The following KIFAP3 variants were observed in gnomAD, a reference collection of about 807,000 sequenced individuals.
KIFAP3 encodes the protein kinesin-associated protein 3.
In KIFAP3, 68 loss-of-function variants were observed where a neutral mutation model predicts 106.5. The ratio of observed to expected loss-of-function variants is 0.64; its 90% CI spans 0.53 to 0.78. The LOEUF (loss-of-function observed/expected upper bound fraction) is 0.78. KIFAP3 is among the 30% of genes least tolerant of loss of function. The pLI, the probability that KIFAP3 is intolerant of heterozygous loss-of-function variation, is 0.00. For synonymous variants in KIFAP3, 320 were observed against 311.5 expected (o/e 1.03, Z -0.29); for missense variants, 780 against 941.8 (o/e 0.83, Z 2.25).
chr1:169,963,405 C>A (rs1665437494), intron 17 of KIFAP3, among the ~76,000 whole-genome samples: 1 of 152,146 alleles, frequency 6.6e-6, no homozygotes, highest in East Asian at 1.9e-4. Context: ...AACAGTGCTG[C>A]AATGAACATG....
chr1:169,938,996 A>C (rs557485069), intron 19 of KIFAP3, among the ~76,000 whole-genome samples: 145 of 152,346 alleles, frequency 9.5e-4, no homozygotes, highest in Non-Finnish European at 1.7e-3. Context: ...AGTGTCAAAT[A>C]ATGAAGGACT....
At chr1:169,957,311 G>C (rs1331375011) in intron 18 of KIFAP3, among the ~76,000 whole-genome samples, 2 of 152,026 alleles carry the variant, frequency 1.3e-5, no homozygotes, top group East Asian at 3.9e-4. Flanking sequence ...CTAAGCTATA[G>C]AGTATTATAC....
At chr1:169,995,913 T>C (rs1260989779) in intron 10 of KIFAP3, among the ~76,000 whole-genome samples, 1 of 152,070 alleles carries the variant, frequency 6.6e-6, no homozygotes, top group Non-Finnish European at 1.5e-5. Flanking sequence ...TGTATACATA[T>C]AGCTTGTGTG....
intron 5 of KIFAP3, among the ~76,000 whole-genome samples, chr1:170,036,351 T>C (rs1455005515): frequency 6.6e-6 from 1 of 152,114 alleles, no homozygotes; most frequent in Non-Finnish European, 1.5e-5. Context: ...TTTATTATGG[T>C]AATGAAAATG....
chr1:169,974,974 G>T (rs999696927), intron 16 of KIFAP3, among the ~76,000 whole-genome samples: 4 of 151,884 alleles, frequency 2.6e-5, no homozygotes, highest in Non-Finnish European at 5.9e-5. Context: ...ATCTGCATAT[G>T]GCCTATGCTC....
intron 9 of KIFAP3, among the ~76,000 whole-genome samples, chr1:170,021,415 T>C (rs979287108): frequency 9.9e-5 from 15 of 151,096 alleles, no homozygotes; most frequent in Non-Finnish European, 2.1e-4. Flanking sequence ...AAAAAAAAAC[T>C]TGGAGAGTTT....
At chr1:170,083,682 C>T (rs960661924) in intron 1 of KIFAP3, among the ~76,000 whole-genome samples, 3 of 152,020 alleles carry the variant, frequency 2.0e-5, no homozygotes, top group African/African-American at 7.2e-5. Flanking sequence ...AATTTATTAC[C>T]TACCTACCAT....
chr1:170,006,005 T>C (rs936248255), intron 10 of KIFAP3, among the ~76,000 whole-genome samples: 3 of 152,308 alleles, frequency 2.0e-5, no homozygotes, highest in Admixed American at 1.3e-4. Flanking sequence ...CTCCTTATCA[T>C]GACTAACATT....
intron 1 of KIFAP3, among the ~76,000 whole-genome samples, chr1:170,063,620 G>GTT (rs1671291396): frequency 6.6e-6 from 1 of 152,068 alleles, no homozygotes; most frequent in African/African-American, 2.4e-5. Context: ...ACAGTGAGTT[G>GTT]TTTTTTTCTC....
At chr1:170,052,677 G>T (rs12132892) in intron 2 of KIFAP3, among the ~76,000 whole-genome samples, 9,598 of 152,242 alleles carry the variant, frequency 0.063, 389 homozygotes, top group Non-Finnish European at 0.095. Flanking sequence ...GGGACGCAAG[G>T]CTGGTTCAAC....
Position 170,039,887 on chromosome 1 carries a change from T to A in KIFAP3, c.320-599A>T, listed in dbSNP as rs575383504. 5.6e-4 allele frequency among the ~76,000 whole-genome samples: 85 copies of A among 152,282 alleles called. 1 individual carries two copies. Among genetic ancestry groups the A allele is most frequent in the African/African-American group, 1.9e-3 (81 of 41,574 alleles). Reference sequence around the variant, plus strand: ...GTATCCAAAGGTGTTGAACACAAGTTTGAGCCATTCGTTTATATTGAATTA... The same window carrying A: ...GTATCCAAAGGTGTTGAACACAAGTATGAGCCATTCGTTTATATTGAATTA... On this transcript the variant is annotated intron_variant, in intron 3 of 19. Transcript: ENST00000361580.
At chr1:169,971,868 C>G (rs557574972) in intron 17 of KIFAP3, among the ~76,000 whole-genome samples, 1 of 151,868 alleles carries the variant, frequency 6.6e-6, no homozygotes, top group Non-Finnish European at 1.5e-5. Context: ...TCAAAATAAT[C>G]GAGTATCTGG....
chr1:169,991,668 G>C (rs148464315), intron 11 of KIFAP3, among the ~76,000 whole-genome samples: 42 of 151,992 alleles, frequency 2.8e-4, no homozygotes, highest in African/African-American at 9.4e-4. Context: ...CAGAGACGTG[G>C]GGAAGCATTT....
intron 10 of KIFAP3, among the ~76,000 whole-genome samples, chr1:170,004,367 A>G (rs1667828398): frequency 6.6e-6 from 1 of 152,194 alleles, no homozygotes; most frequent in Admixed American, 6.5e-5. Context: ...TTTAAAGTTC[A>G]TATGGAGCCA....
chr1:169,989,840 T>G (rs1558224331), intron 11 of KIFAP3, among the ~76,000 whole-genome samples: 1 of 152,104 alleles, frequency 6.6e-6, no homozygotes, highest in African/African-American at 2.4e-5. Context: ...ACTGTTTTAT[T>G]TAATTTGGAA....
In KIFAP3 at chr1:170,033,414, G is replaced by T. The variant is rs544639599; in HGVS notation, c.742+958C>A. 1.9e-3 allele frequency among the ~76,000 whole-genome samples: 282 copies of T among 151,698 alleles called. 1 individual carries two copies. Among genetic ancestry groups the T allele is most frequent in the African/African-American group, 6.6e-3 (275 of 41,496 alleles). On this transcript the variant is annotated intron_variant, in intron 7 of 19. Transcript: ENST00000361580. ...CAGAGTTAAAAATGTATGATATTCTGCAAAATAGGAATAAAGTTTTCACTT... is the reference window on the plus strand; with the variant it reads ...CAGAGTTAAAAATGTATGATATTCTTCAAAATAGGAATAAAGTTTTCACTT...
At chr1:170,026,552 T>C (rs1571689829) in intron 8 of KIFAP3, among the ~76,000 whole-genome samples, 2 of 152,194 alleles carry the variant, frequency 1.3e-5, no homozygotes, top group Non-Finnish European at 2.9e-5. Context: ...GTTAAGGAGA[T>C]GAAGCCAAGA....
At chr1:169,978,486 C>G (rs1666344458) in intron 15 of KIFAP3, among the ~76,000 whole-genome samples, 1 of 151,832 alleles carries the variant, frequency 6.6e-6, no homozygotes, top group Non-Finnish European at 1.5e-5. Context: ...CTTCTAAACT[C>G]TAAGTTTTTG....
intron 10 of KIFAP3, among the ~76,000 whole-genome samples, chr1:169,998,399 T>TACACACACAC (rs1205858764): frequency 1.0e-5 from 1 of 97,768 alleles, no homozygotes; most frequent in Non-Finnish European, 1.9e-5. Context: ...TATATATATA[T>TACACACACAC]ACACACACAC....
Sources: allele counts gnomAD v4.1 joint callset (sites outside exome capture counted in the v4.1 genomes callset), GRCh38; gene constraint gnomAD v4.1.1; transcripts MANE v1.5; gene names NCBI Gene and HGNC (gene_info 2026-07-23, HGNC 2026-07-21).